MCF2L: variants seen among roughly 807,000 people sequenced by gnomAD.
The protein encoded by MCF2L is guanine nucleotide exchange factor DBS.
MCF2L carries 97 observed loss-of-function variants against 153.4 expected under a neutral mutation model. That is an observed-to-expected ratio of 0.63 (90% CI 0.54 to 0.75). The LOEUF is 0.75. Among genes scored for constraint, MCF2L ranks in the 30% least tolerant of loss-of-function variants. MCF2L has a pLI of 0.00. For missense variants in MCF2L, 1,347 were observed against 1,495.2 expected (o/e 0.90, Z 1.64); for synonymous variants, 659 against 632.2 (o/e 1.04, Z -0.64).
At chr13:112,977,947 G>T (rs777999332) in intron 1 of MCF2L, among the ~76,000 whole-genome samples, 2 of 152,174 alleles carry the variant, frequency 1.3e-5, no homozygotes, top group African/African-American at 4.8e-5. Context: ...GGTGGCGGGG[G>T]TCTGTAATCC....
chr13:113,039,360 C>T (rs1029447583), intron 3 of MCF2L, among the ~76,000 whole-genome samples: 6 of 152,026 alleles, frequency 3.9e-5, no homozygotes, highest in African/African-American at 9.7e-5. Context: ...TCTCTATTCT[C>T]GACAAACATA....
At chr13:113,065,189 G>C (rs1470002490) in intron 7 of MCF2L, 104 bp downstream of exon 7, 2 of 1,436,304 alleles carry the variant, frequency 1.4e-6, no homozygotes, top group Non-Finnish European at 1.9e-6. Context: ...GTCCCAGCGG[G>C]AGTTTGTGTC....
In MCF2L at chr13:113,054,929, T is replaced by G. The variant is rs1356509661; in HGVS notation, c.370-5664T>G. 6.6e-6 allele frequency: 1 copy of G among 152,246 alleles called. No individual in the cohort carries two copies. The highest frequency in any genetic ancestry group is 2.4e-5 in the African/African-American group (1 of 41,458). 9.4% of individuals were successfully genotyped at this position (152,246 alleles called of 1,614,324 possible). On this transcript the variant is annotated intron_variant, in intron 4 of 29. Coordinates refer to ENST00000535094, the MANE Select transcript of MCF2L (RefSeq NM_001112732.3). The surrounding 1 kb of genome is among the most constrained non-coding windows in gnomAD (Gnocchi z 5.2). ...CAGAAAATGAGCAATATTGTTTTCA[T>G]GTTAGATAGAAACCTATAGGATTAC...
At position 112,943,255 on chromosome 13, in the gene MCF2L, C is replaced by CCGCGGCGCCTGTGCT. The variant is rs1226564722; in HGVS notation, c.169+40885_169+40899dup. Among the ~76,000 whole-genome samples the CCGCGGCGCCTGTGCT allele has an allele frequency of 1.5e-3, 232 of 152,292 alleles. No homozygotes were observed. The highest frequency in any genetic ancestry group is 2.2e-3 in the Non-Finnish European group (148 of 68,012). On this transcript the variant is annotated intron_variant, in intron 2 of 29. Transcript: ENST00000375608. This position sits in a 1 kb window ranked among gnomAD's most constrained non-coding sequence, Gnocchi z 4.2. ...ACAGGTGGGGCGGCCACGCCTGTGC[C>CCGCGGCGCCTGTGCT]CGCGGCGCCTGTGCTGAGTCCCGAC...
At chr13:113,055,999 G>A (rs1337288204) in intron 4 of MCF2L, among the ~76,000 whole-genome samples, 5 of 152,152 alleles carry the variant, frequency 3.3e-5, no homozygotes, top group African/African-American at 4.8e-5. Context: ...GCAGACACCC[G>A]CAGAGGACCT....
intron 2 of MCF2L, among the ~76,000 whole-genome samples, chr13:112,906,016 C>A (rs555413384): frequency 6.6e-6 from 1 of 152,174 alleles, no homozygotes; most frequent in African/African-American, 2.4e-5. Flanking sequence ...GTCCAACTTC[C>A]CTGTTCTCAG....
rs1219040191 is a variant in MCF2L, at chr13:112,932,981, AG to A, written c.169+30611del. Among the ~76,000 whole-genome samples, 2 of 152,172 alleles carry A rather than the reference AG, an allele frequency of 1.3e-5. No individual in the cohort carries two copies. Among genetic ancestry groups the A allele is most frequent in the African/African-American group, 4.8e-5 (2 of 41,440 alleles). ...AGGAGGTGGAGATTTTAGTGAGGCA[AG>A]ATTGTGCCACTGCCCCCCAACCTGG... is the stretch of plus-strand genomic sequence containing the variant. On this transcript the variant is annotated intron_variant, in intron 2 of 29. Transcript: ENST00000375608. The surrounding 1 kb of genome is among the most constrained non-coding windows in gnomAD (Gnocchi z 4.6).
chr13:113,090,311 C>A, intron 26 of MCF2L: 1 of 1,224,770 alleles, frequency 8.2e-7, no homozygotes. Context: ...CTGTGTCTCG[C>A]GCACAGACAC....
chr13:113,069,650 G>A (rs28550144), intron 8 of MCF2L, among the ~76,000 whole-genome samples: 1 of 151,254 alleles, frequency 6.6e-6, no homozygotes, highest in East Asian at 2.0e-4. Context: ...TCCCAGCTAC[G>A]CGGAGGCAGA....
At chr13:112,995,130 G>C (rs577895989) in intron 1 of MCF2L, among the ~76,000 whole-genome samples, 1 of 152,284 alleles carries the variant, frequency 6.6e-6, no homozygotes, top group African/African-American at 2.4e-5. Flanking sequence ...GCGGCTGTTT[G>C]GTGGCACTCC....
In MCF2L at chr13:113,011,137, A is replaced by G. The variant is rs112589474; in HGVS notation, c.80-3626A>G. On this transcript the variant is annotated intron_variant, in intron 1 of 29. Coordinates refer to ENST00000535094, the MANE Select transcript of MCF2L (RefSeq NM_001112732.3). ...TGCAGAAGGCCTCCATGAAGAACGG[A>G]AGAAGGCCAACACTCTGGTGTGGGT... Among the ~76,000 whole-genome samples the G allele has an allele frequency of 2.0e-3, 304 of 152,326 alleles. 2 individuals carry two copies. The highest frequency in any genetic ancestry group is 6.7e-3 in the African/African-American group (280 of 41,568).
Position 113,096,643 on chromosome 13 carries a change from G to A in MCF2L, c.3282G>A (p.Leu1094=). 6.3e-7 allele frequency: 1 copy of A among 1,588,594 alleles called. No individual in the cohort carries two copies. The highest frequency in any genetic ancestry group is 2.3e-5 in the East Asian group (1 of 44,228). ...RLGPSGSAQC[L]SSSESSPGSA... The stretch of plus-strand genomic sequence containing the variant: ...GCCCGTCCGGCTCGGCCCAGTGCCT[G>A]AGCAGCTCAGGTAAGGCCCACGTGC... The change falls in exon 29 of 30, where the codon CTG becomes CTA. Residue 1094 remains leucine (L), a synonymous_variant. Transcript: ENST00000535094.
Position 113,054,039 on chromosome 13 carries a change from C to T in MCF2L, c.370-6554C>T, listed in dbSNP as rs2087554841. Among the ~76,000 whole-genome samples, 2 of 152,150 alleles carry T rather than the reference C, an allele frequency of 1.3e-5. No individual in the cohort carries two copies. The highest frequency in any genetic ancestry group is 6.5e-5 in the Admixed American group (1 of 15,278). Reference sequence around the variant, plus strand: ...ACTTTGCTGGTGTCTGCTGAGAAGCCGAGGGGAGGTTCTGGGGCTTGGCTT... The same window carrying T: ...ACTTTGCTGGTGTCTGCTGAGAAGCTGAGGGGAGGTTCTGGGGCTTGGCTT... On this transcript the variant is annotated intron_variant, in intron 4 of 29. Transcript: ENST00000535094. The surrounding 1 kb of genome is among the most constrained non-coding windows in gnomAD (Gnocchi z 5.2).
chr13:113,027,142 T>C lies in MCF2L; in HGVS notation c.278+2384T>C. 1 of 695,958 alleles carries C rather than the reference T, an allele frequency of 1.4e-6. No individual in the cohort carries two copies. Among genetic ancestry groups the C allele is most frequent in the South Asian group, 1.5e-5 (1 of 65,764 alleles). 43.1% of individuals were successfully genotyped at this position (695,958 alleles called of 1,614,324 possible). ...AGATGTTTAACCATCAGCGTGAAAG[T>C]GCAGCCGTGGCCATTACCGTGAAGG... On this transcript the variant is annotated intron_variant, in intron 3 of 29. Transcript: ENST00000535094. This position sits in a 1 kb window ranked among gnomAD's most constrained non-coding sequence, Gnocchi z 4.8.
chr13:113,005,360 A>G (rs2083617979), intron 1 of MCF2L, among the ~76,000 whole-genome samples: 1 of 152,166 alleles, frequency 6.6e-6, no homozygotes, highest in South Asian at 2.1e-4. Flanking sequence ...AAGCCTGGGG[A>G]GATGCTGGCC....
At chr13:112,956,676 C>G (rs903217502) in intron 2 of MCF2L, 2 of 152,386 alleles carry the variant, frequency 1.3e-5, no homozygotes, top group Middle Eastern at 3.4e-3. Flanking sequence ...GCAGCTGCTG[C>G]TGCTGCAGCG....
rs562319905 is a variant in MCF2L, at chr13:112,994,047, C to A, written c.80-20716C>A. ...GTCCCAGCCGACCCTCCGCCTTCGTCTTTTTCCTGATTAAAAAAAAGCACC... is the reference window on the plus strand; with the variant it reads ...GTCCCAGCCGACCCTCCGCCTTCGTATTTTTCCTGATTAAAAAAAAGCACC... On this transcript the variant is annotated intron_variant, in intron 1 of 29. Transcript: ENST00000535094. Among the ~76,000 whole-genome samples the A allele has an allele frequency of 4.9e-3, 742 of 152,320 alleles. 6 individuals carry two copies. The highest frequency in any genetic ancestry group is 0.017 in the African/African-American group (703 of 41,568).
chr13:112,954,914 G>A (rs2081738908), intron 2 of MCF2L, among the ~76,000 whole-genome samples: 1 of 152,244 alleles, frequency 6.6e-6, no homozygotes, highest in Non-Finnish European at 1.5e-5. Context: ...AACTCATGCT[G>A]TTTAGGGCGA....
intron 1 of MCF2L, among the ~76,000 whole-genome samples, chr13:113,007,257 T>C (rs1482708239): frequency 6.6e-6 from 1 of 152,226 alleles, no homozygotes; most frequent in Non-Finnish European, 1.5e-5. Context: ...CAGGCCATTT[T>C]ACTGATGTCA....
Sources: allele counts gnomAD v4.1 joint callset (sites outside exome capture counted in the v4.1 genomes callset), GRCh38; gene constraint gnomAD v4.1.1; non-coding constraint Gnocchi (gnomAD v3.1); transcripts MANE v1.5; gene names NCBI Gene and HGNC (gene_info 2026-07-23, HGNC 2026-07-21).